The following PRKG2 variants were observed in gnomAD, a reference collection of about 807,000 sequenced individuals.
PRKG2 encodes protein kinase cGMP-dependent 2, also known as cGMP-dependent protein kinase 2.
A neutral mutation model predicts 97.2 loss-of-function variants in PRKG2; 33 were observed. The observed-to-expected ratio is 0.34, with a 90% confidence interval of 0.26 to 0.45. PRKG2 has a LOEUF of 0.45. Ranked by LOEUF, PRKG2 falls within the 20% of genes least tolerant of loss-of-function variation. The probability of loss-of-function intolerance (pLI) is 1.00; values close to 1 mark genes in which losing one functional copy is unlikely to be tolerated. For missense variants in PRKG2, 638 were observed against 900.0 expected (o/e 0.71, Z 3.73); for synonymous variants, 330 against 321.8 (o/e 1.03, Z -0.27).
At chr4:81,137,547 C>T in intron 12 of PRKG2, 65 bp from the exon 13 acceptor site, 1 of 1,265,094 alleles carries the variant, frequency 7.9e-7, no homozygotes, top group Non-Finnish European at 1.2e-6. Flanking sequence ...TTTAAAGTTG[C>T]TTAGAACTAT....
intron 17 of PRKG2, among the ~76,000 whole-genome samples, chr4:81,101,044 A>G (rs1212297960): frequency 6.6e-6 from 1 of 152,024 alleles, no homozygotes; most frequent in African/African-American, 2.4e-5. Context: ...TAGAATGGCG[A>G]TCATTAAAAA....
chr4:81,142,774 T>C lies in PRKG2; in HGVS notation c.1407+20A>G, dbSNP rs1285238997. The C allele has an allele frequency of 6.5e-7, 1 of 1,534,698 alleles. No homozygotes were observed. ...AAGTCAAAAGGCTTCTCTCAGATGC[T>C]TGAAACGTAAACCCCTTACAAGCTC... On this transcript the variant is annotated intron_variant, in intron 11 of 18. Transcript: ENST00000264399.
chr4:81,141,008 TTTATTA>T (rs375541277), intron 11 of PRKG2, among the ~76,000 whole-genome samples: 1 of 151,206 alleles, frequency 6.6e-6, no homozygotes. Context: ...CAAAGCAAGA[TTTATTA>T]TTATTATTAT....
At chr4:81,206,171 G>A (rs112292462) in intron 1 of PRKG2, among the ~76,000 whole-genome samples, 4 of 152,294 alleles carry the variant, frequency 2.6e-5, no homozygotes, top group African/African-American at 9.6e-5. Context: ...GGGAAATACT[G>A]CTCTAATTAA....
rs757860585 is a variant in PRKG2, at chr4:81,105,846, C to T, written c.2030G>A (p.Arg677Gln). 16 of 1,613,698 alleles carry T rather than the reference C, an allele frequency of 9.9e-6. No individual in the cohort carries two copies. The highest frequency in any genetic ancestry group is 6.7e-5 in the African/African-American group (5 of 74,888). The change falls in exon 16 of 19, where the codon CGA becomes CAA. Residue 677 changes from arginine to glutamine, a missense_variant. This residue lies in a region of PRKG2 where 304 missense variants were observed against 460.5 expected (regional missense o/e 0.66). Transcript: ENST00000264399. ...EKMDFPRKIT[R>Q]RPEDLIRRLC... ...CCTCCGAATCAAATCCTCAGGTCGT[C>T]GTGTTATCTTCCTGGGAAAATCCAT...
chr4:81,098,717 C>T (rs1439630235), intron 17 of PRKG2, among the ~76,000 whole-genome samples: 1 of 152,062 alleles, frequency 6.6e-6, no homozygotes, highest in African/African-American at 2.4e-5. Flanking sequence ...CAACATATAT[C>T]GATGAAGTTT....
chr4:81,117,062 G>T (rs1744617268), intron 14 of PRKG2, among the ~76,000 whole-genome samples: 1 of 131,240 alleles, frequency 7.6e-6, no homozygotes, highest in Non-Finnish European at 1.5e-5. Context: ...GCATGATCTT[G>T]GCTCACTGCA....
At chr4:81,195,211 A>G (rs1034663864) in intron 2 of PRKG2, among the ~76,000 whole-genome samples, 2 of 152,116 alleles carry the variant, frequency 1.3e-5, no homozygotes, top group African/African-American at 4.8e-5. Context: ...TGATCAATTA[A>G]TGTTTGTTAC....
Position 81,104,351 on chromosome 4 carries a change from C to G in PRKG2, c.2126+19G>C. Reference sequence around the variant, plus strand: ...CTCTAAATTTCTATATTTTTCTGGGCAAAGAAATAATTATGTACCTGTGTT... The same window carrying G: ...CTCTAAATTTCTATATTTTTCTGGGGAAAGAAATAATTATGTACCTGTGTT... On this transcript the variant is annotated intron_variant, in intron 17 of 18. Coordinates refer to ENST00000264399, the MANE Select transcript of PRKG2 (RefSeq NM_006259.3). The G allele has an allele frequency of 4.0e-6, 6 of 1,502,366 alleles. No individual in the cohort carries two copies. Among genetic ancestry groups the G allele is most frequent in the Non-Finnish European group, 5.4e-6 (6 of 1,111,270 alleles). 93.1% of individuals were successfully genotyped at this position (1,502,366 alleles called of 1,614,324 possible). A position where few individuals can be genotyped will look rare whatever the true frequency, so the allele number is the denominator to read the frequency against.
At chr4:81,172,740 G>A (rs1750598461) in intron 3 of PRKG2, among the ~76,000 whole-genome samples, 1 of 152,088 alleles carries the variant, frequency 6.6e-6, no homozygotes. Context: ...TAAAGAATTA[G>A]TCTTTCCTTT....
chr4:81,104,522 A>G (rs907436630), intron 16 of PRKG2, 90 bp from the exon 17 acceptor site: 3 of 572,538 alleles, frequency 5.2e-6, no homozygotes, highest in Non-Finnish European at 7.6e-6. Context: ...CTTAACATCT[A>G]TTTGTTAATT....
At chr4:81,162,879 T>C (rs537051736) in intron 6 of PRKG2, among the ~76,000 whole-genome samples, 2 of 152,292 alleles carry the variant, frequency 1.3e-5, no homozygotes, top group African/African-American at 4.8e-5. Context: ...CCATCACAAT[T>C]TCAGTCCTCA....
At chr4:81,092,344 C>A (rs1389644241) in intron 18 of PRKG2, 42 bp downstream of exon 18, 1 of 1,344,168 alleles carries the variant, frequency 7.4e-7, no homozygotes, top group African/African-American at 1.5e-5. Flanking sequence ...AAAAACAAAT[C>A]CCTGGGAAAA....
chr4:81,186,493 AC>A (rs1365387132), intron 2 of PRKG2, among the ~76,000 whole-genome samples: 2 of 152,212 alleles, frequency 1.3e-5, no homozygotes, highest in African/African-American at 4.8e-5. Context: ...GGAAATTTAT[AC>A]CACTCAATGC....
intron 1 of PRKG2, among the ~76,000 whole-genome samples, chr4:81,207,376 C>G (rs962830303): frequency 6.6e-6 from 1 of 152,080 alleles, no homozygotes. Flanking sequence ...TAAAAAAGCA[C>G]GCATAAAAAC....
intron 13 of PRKG2, among the ~76,000 whole-genome samples, chr4:81,135,781 C>G (rs1300362141): frequency 6.6e-6 from 1 of 151,542 alleles, no homozygotes; most frequent in Non-Finnish European, 1.5e-5. Context: ...GCCCCTTGAT[C>G]TTTTATTAAA....
In PRKG2 at chr4:81,191,522, G is replaced by A. The variant is rs371790977; in HGVS notation, c.461+13065C>T. Among the ~76,000 whole-genome samples the A allele has an allele frequency of 2.6e-5, 4 of 152,114 alleles. No individual in the cohort carries two copies. The South Asian group carries it at 8.3e-4, about 32-fold the overall frequency. Reference sequence around the variant, plus strand: ...GGGTGCAGCAAAACCAGCATGGCACGTGTATACCTATGTAACAAACCTGCA... The same window carrying A: ...GGGTGCAGCAAAACCAGCATGGCACATGTATACCTATGTAACAAACCTGCA... On this transcript the variant is annotated intron_variant, in intron 2 of 18. Coordinates refer to ENST00000264399, the MANE Select transcript of PRKG2 (RefSeq NM_006259.3).
chr4:81,212,139 C>T (rs1463194620), intron 1 of PRKG2, among the ~76,000 whole-genome samples: 7 of 152,122 alleles, frequency 4.6e-5, no homozygotes, highest in African/African-American at 1.7e-4. Context: ...ACTGTTGACC[C>T]GGGGCTCAGT....
chr4:81,169,869 T>G, intron 4 of PRKG2, 101 bp from the exon 5 acceptor site: 1 of 680,190 alleles, frequency 1.5e-6, no homozygotes, highest in Non-Finnish European at 2.3e-6. Flanking sequence ...TATAAAATGG[T>G]ACTTCTTGGA....
Sources: gnomAD v4.1 joint callset for allele counts (sites outside exome capture counted in the v4.1 genomes callset) on GRCh38, gnomAD v4.1.1 for gene constraint, gnomAD v4.1.1 regional missense constraint, MANE v1.5 for transcripts, NCBI Gene and HGNC (gene_info 2026-07-23, HGNC 2026-07-21) for gene names.